Variants in HS6ST2 observed in about 807,000 individuals in gnomAD.
HS6ST2 encodes the protein heparan sulfate 6-O-sulfotransferase 2.
A neutral mutation model predicts 33.0 loss-of-function variants in HS6ST2; 17 were observed. The observed-to-expected ratio is 0.52, with a 90% CI of 0.35 to 0.77. The LOEUF (loss-of-function observed/expected upper bound fraction) is 0.77, where lower values mean the gene tolerates loss of function less well. Ranked by LOEUF, HS6ST2 falls within the 30% of genes least tolerant of loss-of-function variation. The pLI is 0.01. For missense variants in HS6ST2, 519 were observed against 551.7 expected (o/e 0.94, Z 0.59); for synonymous variants, 248 against 237.1 (o/e 1.05, Z -0.42).
intron 2 of HS6ST2, among the ~76,000 whole-genome samples, chrX:132,782,794 C>T (rs1321790997): frequency 9.0e-6 from 1 of 111,239 alleles, no homozygotes; most frequent in African/African-American, 3.3e-5. Context: ...AGAGACCATT[C>T]ATGCTAAATA....
intron 4 of HS6ST2, among the ~76,000 whole-genome samples, chrX:132,662,149 A>T (rs971701500): frequency 1.8e-5 from 2 of 110,866 alleles, no homozygotes; most frequent in African/African-American, 6.6e-5. Flanking sequence ...TGGACAAATG[A>T]TCTTCAAGAA....
At chrX:132,904,149 A>T (rs1474573638) in intron 2 of HS6ST2, among the ~76,000 whole-genome samples, 3 of 112,365 alleles carry the variant, frequency 2.7e-5, no homozygotes, top group African/African-American at 9.7e-5. Flanking sequence ...TATAGATGGA[A>T]AGAAATTAGG....
At chrX:132,948,778 C>T (rs1252785938) in intron 2 of HS6ST2, among the ~76,000 whole-genome samples, 2 of 112,275 alleles carry the variant, frequency 1.8e-5, no homozygotes, top group African/African-American at 6.5e-5. Flanking sequence ...TATTCATTAT[C>T]CTTTAATGGA....
At chrX:132,766,251 G>A (rs767809714) in intron 2 of HS6ST2, among the ~76,000 whole-genome samples, 72 of 112,384 alleles carry the variant, frequency 6.4e-4, no homozygotes, top group Non-Finnish European at 1.1e-3. Flanking sequence ...AAAATTATTG[G>A]TAAATGAATC....
chrX:132,648,043 A>G (rs1479939627), intron 4 of HS6ST2, among the ~76,000 whole-genome samples: 1 of 112,034 alleles, frequency 8.9e-6, no homozygotes, highest in Non-Finnish European at 1.9e-5. Context: ...GTAATAACTA[A>G]ATGAATTAAT....
rs757193693 is a variant in HS6ST2, at chrX:132,943,057, C to T, written c.947+13751G>A. On this transcript the variant is annotated intron_variant, in intron 2 of 4. Coordinates refer to ENST00000370833, the MANE Select transcript of HS6ST2 (RefSeq NM_001394073.1). ...ATGTAAAAAGTATTTGAAATAACTT[C>T]GGCATCTAAATCTTTAAGACGGGAA... 1.3e-4 allele frequency among the ~76,000 whole-genome samples: 15 copies of T among 111,897 alleles called. No homozygotes were observed. In the South Asian group the frequency reaches 5.2e-3, roughly 39 times the overall value.
intron 4 of HS6ST2, among the ~76,000 whole-genome samples, chrX:132,633,040 C>T (rs1339560563): frequency 1.0e-5 from 1 of 99,978 alleles, no homozygotes; most frequent in African/African-American, 3.7e-5. Context: ...ATCACCACTG[C>T]ACTCCAGCCT....
At chrX:132,678,303 C>T (rs243438) in intron 3 of HS6ST2, among the ~76,000 whole-genome samples, 33,662 of 111,097 alleles carry the variant, frequency 0.3, 3,979 homozygotes, top group Non-Finnish European at 0.35. Flanking sequence ...CTGCAGTGAG[C>T]TGTGATTGCA....
At chrX:132,857,387 G>A (rs1190517030) in intron 2 of HS6ST2, among the ~76,000 whole-genome samples, 2 of 109,558 alleles carry the variant, frequency 1.8e-5, no homozygotes, top group Non-Finnish European at 3.8e-5. Flanking sequence ...AGGAGGCTGA[G>A]GAAGGAGAAT....
intron 2 of HS6ST2, among the ~76,000 whole-genome samples, chrX:132,903,316 A>G (rs908505687): frequency 1.8e-5 from 2 of 112,051 alleles, no homozygotes; most frequent in African/African-American, 6.5e-5. Context: ...AAATGGGAAA[A>G]CATCCCATGT....
At chrX:132,908,101 A>T (rs2066492233) in intron 2 of HS6ST2, among the ~76,000 whole-genome samples, 2 of 112,406 alleles carry the variant, frequency 1.8e-5, no homozygotes, top group Non-Finnish European at 1.9e-5. Context: ...AAATAAGCAA[A>T]GAATCTGAAT....
intron 3 of HS6ST2, among the ~76,000 whole-genome samples, chrX:132,672,316 T>G (rs1300113892): frequency 2.1e-4 from 19 of 92,502 alleles, no homozygotes; most frequent in Admixed American, 6.7e-4. Context: ...TGGGGGGGGG[T>G]GGGTGCTCCT....
chrX:132,643,688 G>A (rs934509705), intron 4 of HS6ST2, among the ~76,000 whole-genome samples: 3 of 111,364 alleles, frequency 2.7e-5, no homozygotes, highest in African/African-American at 6.5e-5. Context: ...TCACCCTTAA[G>A]ATGACCAATG....
At chrX:132,863,953 A>C (rs1370343882) in intron 2 of HS6ST2, among the ~76,000 whole-genome samples, 1 of 111,664 alleles carries the variant, frequency 9.0e-6, no homozygotes, top group Non-Finnish European at 1.9e-5. Flanking sequence ...ATACCCAGGC[A>C]AACAGGGTCT....
At chrX:132,828,316 GA>G (rs1229898633) in intron 2 of HS6ST2, among the ~76,000 whole-genome samples, 2 of 109,761 alleles carry the variant, frequency 1.8e-5, no homozygotes, top group African/African-American at 6.6e-5. Context: ...TTCTTGAAGG[GA>G]AAAAAAAGGT....
intron 2 of HS6ST2, among the ~76,000 whole-genome samples, chrX:132,891,002 T>C (rs1419646979): frequency 1.8e-5 from 2 of 111,893 alleles, no homozygotes; most frequent in Non-Finnish European, 3.8e-5. Flanking sequence ...TATTACTATG[T>C]ATTCTTCTTG....
At chrX:132,903,852 T>G (rs775165192) in intron 2 of HS6ST2, among the ~76,000 whole-genome samples, 1 of 112,475 alleles carries the variant, frequency 8.9e-6, no homozygotes, top group Non-Finnish European at 1.9e-5. Flanking sequence ...TGTTACTTGG[T>G]TTTTAAAAAT....
intron 3 of HS6ST2, among the ~76,000 whole-genome samples, chrX:132,705,075 G>A (rs2064178032): frequency 1.8e-5 from 2 of 111,000 alleles, no homozygotes; most frequent in South Asian, 7.7e-4. Context: ...ATGTGAGGAG[G>A]TGAAGTTACC....
intron 2 of HS6ST2, among the ~76,000 whole-genome samples, chrX:132,877,735 A>C (rs1330819153): frequency 9.0e-6 from 1 of 111,525 alleles, no homozygotes; most frequent in East Asian, 2.8e-4. Flanking sequence ...AGCATCTGCT[A>C]GTCAAATGGG....
Sources: allele counts gnomAD v4.1 joint callset (sites outside exome capture counted in the v4.1 genomes callset), GRCh38; gene constraint gnomAD v4.1.1; transcripts MANE v1.5; gene names NCBI Gene and HGNC (gene_info 2026-07-23, HGNC 2026-07-21).